Variants in SIGLEC5 observed in about 807,000 individuals in gnomAD.
The protein encoded by SIGLEC5 is sialic acid binding Ig like lectin 5.
SIGLEC5 carries 34 observed loss-of-function variants against 45.9 expected under a neutral mutation model. The observed-to-expected ratio is 0.74, with a 90% CI of 0.56 to 0.99. The LOEUF is 0.99. Among genes scored for constraint, SIGLEC5 ranks in the 50% least tolerant of loss-of-function variants. The probability of loss-of-function intolerance (pLI) is 0.00; values close to 1 mark genes in which losing one functional copy is unlikely to be tolerated. For synonymous variants in SIGLEC5, 203 were observed against 258.6 expected, an observed-to-expected ratio of 0.79 and a Z score of 2.06; for missense variants, 508 against 629.6, an observed-to-expected ratio of 0.81 and a Z score of 2.07.
At chr19:51,616,125 C>T (rs1031578502) in intron 8 of SIGLEC5, among the ~76,000 whole-genome samples, 15 of 152,272 alleles carry the variant, frequency 9.9e-5, no homozygotes, top group Admixed American at 2.6e-4. Flanking sequence ...CAGCATCTGC[C>T]CTTCCCTCAT....
Position 51,627,349 on chromosome 19 carries a change from A to G in SIGLEC5, c.1283-101T>C, listed in dbSNP as rs1983523611. 3.9e-6 allele frequency: 6 copies of G among 1,524,508 alleles called. No homozygotes were observed. The Admixed American group carries it at 1.1e-4, about 27-fold the overall frequency. 94.4% of individuals were successfully genotyped at this position (1,524,508 alleles called of 1,614,324 possible). On this transcript the variant is annotated intron_variant, in intron 6 of 8. Transcript: ENST00000683636. ...CTCCAGGGCCCTGCTCAGACAGGAG[A>G]TGAAGAACCCTGTCTCCCCACCACC...
intron 8 of SIGLEC5, among the ~76,000 whole-genome samples, chr19:51,618,443 TAAA>T (rs1228951315): frequency 1.0e-4 from 5 of 49,436 alleles, no homozygotes; most frequent in African/African-American, 2.6e-4. Context: ...AGACCCTGCC[TAAA>T]AAAAAAAAAA....
Position 51,620,058 on chromosome 19 carries a change from A to AAAATATAT in SIGLEC5, c.1464+5973_1464+5974insATATATTT, listed in dbSNP as rs1555788062. Among the ~76,000 whole-genome samples the AAAATATAT allele has an allele frequency of 5.4e-4, 81 of 149,114 alleles. 2 individuals carry two copies. The East Asian group carries it at 0.013, about 24-fold the overall frequency. ...AATGCCACCCATATCCTTTTGTCAA[A>AAAATATAT]ATATATATATATATATAACTTAGGT... On this transcript the variant is annotated intron_variant, in intron 8 of 8. Transcript: ENST00000683636.
At chr19:51,612,729 G>T (rs1982904757) in intron 8 of SIGLEC5, among the ~76,000 whole-genome samples, 1 of 152,212 alleles carries the variant, frequency 6.6e-6, no homozygotes, top group South Asian at 2.1e-4. Flanking sequence ...AGGCTGCGCA[G>T]ATATACTGCA....
At position 51,629,960 on chromosome 19, in the gene SIGLEC5, C is replaced by T. The variant is rs374509897; in HGVS notation, c.294G>A (p.Lys98=). The change falls in exon 2 of 9, where the codon AAG becomes AAA. Residue 98 remains lysine (K), a synonymous_variant. Transcript: ENST00000683636. The part of the protein sequence containing the change: ...GRFRLLGDVQ[K]KNCSLSIGDA... ...CTCCGATGCTCAGGGAGCAGTTCTTCTTCTGGACATCCCCAAGGAGGCGGA... is the reference window on the plus strand; with the variant it reads ...CTCCGATGCTCAGGGAGCAGTTCTTTTTCTGGACATCCCCAAGGAGGCGGA... 6 of 1,032,374 alleles carry T rather than the reference C, an allele frequency of 5.8e-6. 1 individual carries two copies. In the South Asian group the frequency reaches 6.4e-5, roughly 11 times the overall value. 64.0% of individuals were successfully genotyped at this position (1,032,374 alleles called of 1,614,324 possible).
intron 6 of SIGLEC5, 34 bp from the exon 7 acceptor site, chr19:51,627,282 C>T (rs1449124180): frequency 1.3e-6 from 2 of 1,599,192 alleles, no homozygotes; most frequent in South Asian, 1.1e-5. Flanking sequence ...TAACTCACTC[C>T]CAGGACTCAG....
At chr19:51,624,456 G>A (rs1983402304) in intron 8 of SIGLEC5, among the ~76,000 whole-genome samples, 1 of 152,146 alleles carries the variant, frequency 6.6e-6, no homozygotes, top group Admixed American at 6.5e-5. Flanking sequence ...TGGTGGGTTT[G>A]CAGTTATTTA....
rs141387953 is a variant in SIGLEC5 at position 51,618,557 on chromosome 19, C to T, written c.1465-6135G>A. Among the ~76,000 whole-genome samples, 4 of 149,842 alleles carry T rather than the reference C, an allele frequency of 2.7e-5. No homozygotes were observed. The East Asian group carries it at 5.9e-4, about 22-fold the overall frequency. On this transcript the variant is annotated intron_variant, in intron 8 of 8. Coordinates refer to ENST00000683636, the MANE Select transcript of SIGLEC5 (RefSeq NM_003830.4). Reference sequence around the variant, plus strand: ...CTGTAATCCCAGCACTTTGGGAGGACGAGGTGGGCAGATCACTTGAGCCCA... The same window carrying T: ...CTGTAATCCCAGCACTTTGGGAGGATGAGGTGGGCAGATCACTTGAGCCCA...
Position 51,629,892 on chromosome 19 carries a change from T to C in SIGLEC5, c.362A>G (p.Glu121Gly), listed in dbSNP as rs777669740. The C allele has an allele frequency of 3.4e-5, 41 of 1,209,400 alleles. 1 individual carries two copies. In the African/African-American group the frequency reaches 5.0e-4, roughly 15 times the overall value. The allele number at this position is 1,209,400 out of a possible 1,614,324, so 74.9% of individuals were successfully genotyped here. ...GCTATATTTTACATCCCTTCCTCTC[T>C]CCACGCGGAAGAAATAGCTTCCCGT... ...EDTGSYFFRV[E>G]RGRDVKYSYQ... Residue 121 changes from glutamate to glycine, a missense_variant, in exon 2 of 9, where the codon GAG (glutamate) becomes GGG (glycine). By Grantham distance (98) the Glu-to-Gly change is moderately conservative (BLOSUM62 -2). This residue lies in a region of SIGLEC5 where 77 missense variants were observed against 200.8 expected (regional missense o/e 0.38). Coordinates refer to ENST00000683636, the MANE Select transcript of SIGLEC5 (RefSeq NM_003830.4).
chr19:51,628,826 C>CGT (rs888817069), intron 4 of SIGLEC5, among the ~76,000 whole-genome samples: 3 of 133,668 alleles, frequency 2.2e-5, no homozygotes, highest in East Asian at 2.2e-4. Context: ...TGTGTGTGTG[C>CGT]GTGTGTGTGT....
chr19:51,613,839 C>T (rs1035249527), intron 8 of SIGLEC5, among the ~76,000 whole-genome samples: 3 of 152,028 alleles, frequency 2.0e-5, no homozygotes, highest in East Asian at 2.0e-4. Context: ...GTTCTGGGCA[C>T]GTACAGTGTG....
rs1982847051 is a variant in SIGLEC5 at position 51,611,478 on chromosome 19, A to T, written c.*753T>A. 6.6e-6 allele frequency among the ~76,000 whole-genome samples: 1 copy of T among 152,240 alleles called. No individual in the cohort carries two copies. The highest frequency in any genetic ancestry group is 6.5e-5 in the Admixed American group (1 of 15,284). ...GTTAGGCAAGAGGAAAGTATAAATG[A>T]ATAGATAGCAGGGAGATCATGAAGG... is the stretch of plus-strand genomic sequence containing the variant. On this transcript the variant is annotated 3_prime_UTR_variant, in exon 9 of 9. Transcript: ENST00000683636.
At chr19:51,614,604 A>G (rs1465516715) in intron 8 of SIGLEC5, among the ~76,000 whole-genome samples, 1 of 152,254 alleles carries the variant, frequency 6.6e-6, no homozygotes. Flanking sequence ...AAATAAAGAC[A>G]TATGTCTATC....
chr19:51,629,441 T>C lies in SIGLEC5; in HGVS notation c.617A>G (p.Asp206Gly). The C allele has an allele frequency of 2.5e-6, 4 of 1,613,282 alleles. No homozygotes were observed. Among genetic ancestry groups the C allele is most frequent in the Non-Finnish European group, 3.4e-6 (4 of 1,179,810 alleles). Residue 206 changes from aspartate (D) to glycine (G), a missense_variant, in exon 3 of 9, where the codon GAC becomes GGC. Transcript: ENST00000683636. ...SELTLTPRPE[D>G]HGTNLTCQMK... is the part of the protein sequence containing the mutation. ...CTGACAGGTGAGGTTGGTGCCATGG[T>C]CCTCGGGCCTGGGGGTGAGGGTGAG...
rs907596951 is a variant in SIGLEC5, at chr19:51,613,906, A to C, written c.1465-1484T>G. The stretch of plus-strand genomic sequence containing the variant: ...GAGGAGCGGATTATTGATGAAGCAA[A>C]TGTATACCTTCGGCATAGGTTACAA... On this transcript the variant is annotated intron_variant, in intron 8 of 8. Transcript: ENST00000683636. 2.6e-5 allele frequency among the ~76,000 whole-genome samples: 4 copies of C among 152,114 alleles called. No homozygotes were observed. The East Asian group carries it at 7.8e-4, about 30-fold the overall frequency.
chr19:51,625,081 G>A (rs1983428117), intron 8 of SIGLEC5, among the ~76,000 whole-genome samples: 1 of 152,148 alleles, frequency 6.6e-6, no homozygotes, highest in South Asian at 2.1e-4. Context: ...ACACAGAAGA[G>A]AAGGGGCAGA....
chr19:51,617,233 C>T lies in SIGLEC5; in HGVS notation c.1465-4811G>A, dbSNP rs1424430740. ...TCGCGCCACTGCACTCCAGCCTGGG[C>T]GACAGAGCAAGACTCCACCTTAAAA... On this transcript the variant is annotated intron_variant, in intron 8 of 8. Coordinates refer to ENST00000683636, the MANE Select transcript of SIGLEC5 (RefSeq NM_003830.4). 9.7e-5 allele frequency among the ~76,000 whole-genome samples: 14 copies of T among 143,926 alleles called. No homozygotes were observed. The East Asian group carries it at 2.6e-3, about 27-fold the overall frequency. 94.4% of individuals were successfully genotyped at this position (143,926 alleles called of 152,430 possible). A position where few individuals can be genotyped will look rare whatever the true frequency, so the allele number is the denominator to read the frequency against.
At chr19:51,621,718 A>AG (rs912926524) in intron 8 of SIGLEC5, 10 of 152,362 alleles carry the variant, frequency 6.6e-5, no homozygotes, top group Admixed American at 6.5e-5. Context: ...AGAATTCTCC[A>AG]GCTACCAAAG....
intron 7 of SIGLEC5, among the ~76,000 whole-genome samples, chr19:51,626,525 G>C (rs956219303): frequency 3.3e-5 from 5 of 152,162 alleles, no homozygotes; most frequent in Non-Finnish European, 7.3e-5. Context: ...GATGAATCTT[G>C]AAAACATTAG....
Sources: allele counts gnomAD v4.1 joint callset (sites outside exome capture counted in the v4.1 genomes callset), GRCh38; gene constraint gnomAD v4.1.1; regional missense constraint gnomAD v4.1.1; transcripts MANE v1.5; gene names NCBI Gene and HGNC (gene_info 2026-07-23, HGNC 2026-07-21).